The following FARP2 variants were observed in gnomAD, a reference collection of about 807,000 sequenced individuals.
FARP2 encodes FERM, ARHGEF and pleckstrin domain-containing protein 2.
In FARP2, 111 loss-of-function variants were observed where a neutral mutation model predicts 130.5. The observed-to-expected ratio is 0.85, with a 90% CI of 0.73 to 1.00. The LOEUF is 1.00. Among genes scored for constraint, FARP2 ranks in the 50% least tolerant of loss-of-function variants. The probability of loss-of-function intolerance (pLI) is 0.00; values close to 1 mark genes in which losing one functional copy is unlikely to be tolerated. For missense variants in FARP2, 1,385 were observed against 1,346.3 expected (o/e 1.03, Z -0.45); for synonymous variants, 504 against 516.9 (o/e 0.98, Z 0.34).
chr2:241,486,712 T>G lies in FARP2; in HGVS notation c.2421+2381T>G, dbSNP rs372055096. On this transcript the variant is annotated intron_variant, in intron 21 of 26. Coordinates refer to ENST00000264042, the MANE Select transcript of FARP2 (RefSeq NM_014808.4). ...CTGTAACATTGTTGGATCTCTGTCT[T>G]TCTGCACATCCTTAATTATGTCCTT... 9.8e-5 allele frequency among the ~76,000 whole-genome samples: 15 copies of G among 152,316 alleles called. No homozygotes were observed. In the South Asian group the frequency reaches 3.1e-3, roughly 32 times the overall value.
intron 2 of FARP2, among the ~76,000 whole-genome samples, chr2:241,394,886 C>G (rs759681613): frequency 6.6e-6 from 1 of 152,160 alleles, no homozygotes; most frequent in Non-Finnish European, 1.5e-5. Flanking sequence ...CCCGAATGAA[C>G]CCTACTCCCT....
intron 1 of FARP2, among the ~76,000 whole-genome samples, chr2:241,366,197 G>C (rs2061317901): frequency 6.9e-6 from 1 of 144,352 alleles, no homozygotes; most frequent in Non-Finnish European, 1.5e-5. Context: ...CCATGCACCT[G>C]GTTTTGCACC....
intron 2 of FARP2, among the ~76,000 whole-genome samples, chr2:241,393,661 A>T (rs140887177): frequency 2.0e-5 from 3 of 152,222 alleles, no homozygotes; most frequent in Non-Finnish European, 4.4e-5. Context: ...AAATGAGCAC[A>T]TGAAACAAGT....
Position 241,476,085 on chromosome 2 carries a change from A to G in FARP2, c.2262+98A>G, listed in dbSNP as rs527745999. 66 of 1,251,118 alleles carry G rather than the reference A, an allele frequency of 5.3e-5. 1 individual carries two copies. In the South Asian group the frequency reaches 9.1e-4, roughly 17 times the overall value. The allele number at this position is 1,251,118 out of a possible 1,614,324, so 77.5% of individuals were successfully genotyped here. A position where few individuals can be genotyped will look rare whatever the true frequency, so the allele number is the denominator to read the frequency against. ...CAAAAGTCACCATTTTAAAATGTAT[A>G]ATTTTGGCCAGGCACAGTGGCTCAT... On this transcript the variant is annotated intron_variant, in intron 19 of 26. Coordinates refer to ENST00000264042, the MANE Select transcript of FARP2 (RefSeq NM_014808.4).
At chr2:241,434,867 A>T in intron 10 of FARP2, 95 bp from the exon 11 acceptor site, 1 of 788,228 alleles carries the variant, frequency 1.3e-6, no homozygotes, top group Non-Finnish European at 2.2e-6. Context: ...TATATTTATG[A>T]GAGAGGATGG....
intron 5 of FARP2, among the ~76,000 whole-genome samples, 175 bp downstream of exon 5, chr2:241,407,790 A>G (rs2062401866): frequency 6.6e-6 from 1 of 152,250 alleles, no homozygotes; most frequent in Non-Finnish European, 1.5e-5. Flanking sequence ...GCACAAACAC[A>G]TGTGAATAAG....
At chr2:241,443,586 A>C (rs544422000) in intron 13 of FARP2, 2 of 152,350 alleles carry the variant, frequency 1.3e-5, no homozygotes, top group Admixed American at 1.3e-4. Flanking sequence ...CCACATGGAG[A>C]GCTTCTCAGT....
In FARP2 at chr2:241,468,301, G is replaced by A. The variant is rs764827858; in HGVS notation, c.2055G>A (p.Leu685=). 1 of 1,613,602 alleles carries A rather than the reference G, an allele frequency of 6.2e-7. No homozygotes were observed. Among genetic ancestry groups the A allele is most frequent in the Non-Finnish European group, 8.5e-7 (1 of 1,180,040 alleles). The stretch of plus-strand genomic sequence containing the variant: ...TCCTGCTGAAGCCCATCCAGCGGCT[G>A]CTGCACTACCGCCTGCTGCTGCGCC... The part of the protein sequence containing the change: ...NTFLLKPIQR[L]LHYRLLLRRL... Residue 685 remains leucine, a synonymous_variant, in exon 18 of 27, where the codon CTG becomes CTA. Transcript: ENST00000264042.
intron 2 of FARP2, among the ~76,000 whole-genome samples, chr2:241,392,642 A>G (rs2061934488): frequency 6.6e-6 from 1 of 152,158 alleles, no homozygotes; most frequent in Non-Finnish European, 1.5e-5. Flanking sequence ...CCCTTCCCTT[A>G]GAAGCAGAAG....
intron 18 of FARP2, among the ~76,000 whole-genome samples, chr2:241,471,912 G>C (rs1271499428): frequency 1.3e-5 from 2 of 152,190 alleles, no homozygotes; most frequent in East Asian, 3.9e-4. Flanking sequence ...GTTCTGTGGG[G>C]ACCCTGTTCT....
Position 241,459,485 on chromosome 2 carries a change from C to G in FARP2, c.1587+2563C>G, listed in dbSNP as rs1163318597. On this transcript the variant is annotated intron_variant, in intron 14 of 26. Transcript: ENST00000264042. The surrounding 1 kb of genome is among the most constrained non-coding windows in gnomAD (Gnocchi z 5.3). ...CACCCTCGCCAGCTGGTGCCCTCCT[C>G]CCCAGTGTCTCCCACTTGATGCACT... Among the ~76,000 whole-genome samples the G allele has an allele frequency of 6.6e-6, 1 of 152,196 alleles. No individual in the cohort carries two copies. The highest frequency in any genetic ancestry group is 1.5e-5 in the Non-Finnish European group (1 of 68,016).
intron 2 of FARP2, among the ~76,000 whole-genome samples, chr2:241,394,902 G>A: frequency 6.6e-6 from 1 of 152,156 alleles, no homozygotes; most frequent in Non-Finnish European, 1.5e-5. Flanking sequence ...TCCCTACTCA[G>A]GAGGGGCATG....
chr2:241,390,960 T>C (rs1226932389), intron 2 of FARP2, among the ~76,000 whole-genome samples: 2 of 152,222 alleles, frequency 1.3e-5, no homozygotes, highest in African/African-American at 4.8e-5. Flanking sequence ...CCAGGCAGGC[T>C]TCCCTTCTGA....
chr2:241,404,178 T>C (rs530795171), intron 3 of FARP2, among the ~76,000 whole-genome samples: 1 of 152,344 alleles, frequency 6.6e-6, no homozygotes, highest in South Asian at 2.1e-4. Flanking sequence ...CAACCTCTAA[T>C]ACATCCTGTA....
At position 241,441,438 on chromosome 2, in the gene FARP2, T is replaced by A; in HGVS notation, c.1293T>A (p.Asp431Glu). 6.2e-7 allele frequency: 1 copy of A among 1,614,122 alleles called. No individual in the cohort carries two copies. Among genetic ancestry groups the A allele is most frequent in the Non-Finnish European group, 8.5e-7 (1 of 1,180,018 alleles). ...AGGACAGCAGCAGCTCCCTCACAGA[T>A]CCCCAGGTTTCCTACGTCAAGAGTC... Reference protein sequence around the residue: ...EFKDSSSSLTDPQVSYVKSPA... With the variant: ...EFKDSSSSLTEPQVSYVKSPA... Residue 431 changes from aspartate (D) to glutamate (E), a missense_variant, in exon 13 of 27, where the codon GAT (aspartate) becomes GAA (glutamate). Coordinates refer to ENST00000264042, the MANE Select transcript of FARP2 (RefSeq NM_014808.4).
chr2:241,382,512 G>A (rs574543509), intron 2 of FARP2, among the ~76,000 whole-genome samples: 85 of 151,966 alleles, frequency 5.6e-4, no homozygotes, highest in Non-Finnish European at 9.7e-4. Context: ...TGAACTCCTG[G>A]GCTCAAGCCG....
intron 7 of FARP2, among the ~76,000 whole-genome samples, chr2:241,414,953 G>A (rs2062625924): frequency 6.6e-6 from 1 of 152,220 alleles, no homozygotes; most frequent in Non-Finnish European, 1.5e-5. Context: ...AAGGGCTGGA[G>A]GTAGAAGTGC....
Position 241,491,657 on chromosome 2 carries a change from C to G in FARP2, c.2765C>G (p.Ala922Gly), listed in dbSNP as rs372738616. The G allele has an allele frequency of 2.5e-5, 41 of 1,609,774 alleles. No individual in the cohort carries two copies. The highest frequency in any genetic ancestry group is 3.3e-5 in the Non-Finnish European group (39 of 1,177,692). Reference protein sequence around the residue: ...CWYRNTSVSRADHSAAVENQL... With the variant: ...CWYRNTSVSRGDHSAAVENQL... ...TACCGGAACACCAGCGTGTCCAGGG[C>G]AGACCACAGTGCAGCTGTCGAGGTA... Residue 922 changes from alanine to glycine, a missense_variant, in exon 24 of 27, where the codon GCA (alanine) becomes GGA (glycine). Ala to Gly is a moderately conservative substitution (Grantham distance 60, BLOSUM62 0). Coordinates refer to ENST00000264042, the MANE Select transcript of FARP2 (RefSeq NM_014808.4).
chr2:241,388,212 G>A (rs917452145), intron 2 of FARP2, among the ~76,000 whole-genome samples: 15 of 152,186 alleles, frequency 9.9e-5, no homozygotes, highest in East Asian at 1.9e-4. Context: ...AGGCAATGTG[G>A]TATGGCATAA....
Sources: allele counts gnomAD v4.1 joint callset (sites outside exome capture counted in the v4.1 genomes callset), GRCh38; gene constraint gnomAD v4.1.1; non-coding constraint Gnocchi (gnomAD v3.1); transcripts MANE v1.5; gene names NCBI Gene and HGNC (gene_info 2026-07-23, HGNC 2026-07-21).